Variants in ARHGEF11 observed in about 807,000 individuals in gnomAD.
The protein encoded by ARHGEF11 is Rho guanine exchange factor (GEF) 11.
In ARHGEF11, 55 loss-of-function variants were observed where a neutral mutation model predicts 193.7. The ratio of observed to expected loss-of-function variants is 0.28; its 90% confidence interval spans 0.23 to 0.36. The LOEUF (loss-of-function observed/expected upper bound fraction) is 0.36, where lower values mean the gene tolerates loss of function less well. ARHGEF11 is among the 10% of genes least tolerant of loss of function. The pLI is 1.00. For missense variants in ARHGEF11, 1,723 were observed against 2,005.6 expected, an observed-to-expected ratio of 0.86 and a Z score of 2.69; for synonymous variants, 693 against 768.0, an observed-to-expected ratio of 0.90 and a Z score of 1.62.
At chr1:157,042,095 T>C (rs1288541900) in intron 1 of ARHGEF11, among the ~76,000 whole-genome samples, 1 of 152,174 alleles carries the variant, frequency 6.6e-6, no homozygotes, top group Non-Finnish European at 1.5e-5. Flanking sequence ...TAAGATTCAG[T>C]GCAGCTAGCT....
intron 1 of ARHGEF11, among the ~76,000 whole-genome samples, chr1:157,021,719 T>C (rs938729950): frequency 1.5e-4 from 23 of 152,338 alleles, no homozygotes; most frequent in African/African-American, 5.5e-4. Flanking sequence ...AAACAACTTA[T>C]GCCTCAGTTT....
chr1:156,937,063 G>C, intron 39 of ARHGEF11, 58 bp from the exon 40 acceptor site: 1 of 1,590,220 alleles, frequency 6.3e-7, no homozygotes, highest in Non-Finnish European at 8.6e-7. Context: ...AGGCCCCTGG[G>C]GAAGGGGTCT....
At chr1:156,942,573 C>G in intron 33 of ARHGEF11, 117 bp downstream of exon 33, 1 of 885,156 alleles carries the variant, frequency 1.1e-6, no homozygotes, top group Non-Finnish European at 1.8e-6. Flanking sequence ...CTTCCCAACC[C>G]CTTGTCCAGG....
chr1:156,935,476 A>T lies in ARHGEF11; in HGVS notation c.*524T>A, dbSNP rs1354536746. 1 of 152,538 alleles carries T rather than the reference A, an allele frequency of 6.6e-6. No individual in the cohort carries two copies. The highest frequency in any genetic ancestry group is 1.5e-5 in the Non-Finnish European group (1 of 68,252). 9.4% of individuals were successfully genotyped at this position (152,538 alleles called of 1,614,324 possible). A position where few individuals can be genotyped will look rare whatever the true frequency, so the allele number is the denominator to read the frequency against. On this transcript the variant is annotated 3_prime_UTR_variant, in exon 41 of 41. Transcript: ENST00000368194. ...CATAACTGCCTCCAGCACTTCAGGA[A>T]CAGGAACAAAAAAGGTCAAAGTTAT... is the stretch of plus-strand genomic sequence containing the variant.
intron 21 of ARHGEF11, among the ~76,000 whole-genome samples, chr1:156,951,992 C>T (rs545683586): frequency 2.6e-5 from 4 of 152,006 alleles, no homozygotes; most frequent in South Asian, 2.1e-4. Context: ...ATTATAATAA[C>T]GCTTCTGCTT....
At position 157,044,738 on chromosome 1, in the gene ARHGEF11, C is replaced by CT; in HGVS notation, c.-409dup. On this transcript the variant is annotated 5_prime_UTR_variant, in exon 1 of 41. Coordinates refer to ENST00000368194, the MANE Select transcript of ARHGEF11 (RefSeq NM_198236.3). ...ACTGCAAAGTACAGATAAAACCATC[C>CT]TTTAAATCCAGCTTTCTCAGCTGTC... 2.5e-6 allele frequency: 1 copy of CT among 394,378 alleles called. No individual in the cohort carries two copies. Among genetic ancestry groups the CT allele is most frequent in the Non-Finnish European group, 4.5e-6 (1 of 224,070 alleles). The allele number at this position is 394,378 out of a possible 1,614,324, so 24.4% of individuals were successfully genotyped here. A position where few individuals can be genotyped will look rare whatever the true frequency, so the allele number is the denominator to read the frequency against.
At chr1:157,036,477 A>C (rs1193892580) in intron 1 of ARHGEF11, among the ~76,000 whole-genome samples, 1 of 151,846 alleles carries the variant, frequency 6.6e-6, no homozygotes, top group Non-Finnish European at 1.5e-5. Context: ...GTGCACCAAC[A>C]CATCAGGCTA....
At chr1:156,942,282 G>A (rs1657162962) in intron 33 of ARHGEF11, among the ~76,000 whole-genome samples, 1 of 152,226 alleles carries the variant, frequency 6.6e-6, no homozygotes, top group Non-Finnish European at 1.5e-5. Flanking sequence ...TGAAAACCCT[G>A]GAGTTGGGAA....
At chr1:156,938,578 A>G in intron 37 of ARHGEF11, 65 bp from the exon 38 acceptor site, 1 of 1,518,108 alleles carries the variant, frequency 6.6e-7, no homozygotes, top group Non-Finnish European at 9.1e-7. Flanking sequence ...GAAGGGAGAG[A>G]GAACAGGAAG....
chr1:157,046,553 C>A (rs1338817175), upstream of ARHGEF11, among the ~76,000 whole-genome samples: 1 of 152,172 alleles, frequency 6.6e-6, no homozygotes, highest in African/African-American at 2.4e-5. Context: ...CTTCCCACTT[C>A]TAATACCACC....
intron 18 of ARHGEF11, 108 bp downstream of exon 18, chr1:156,957,684 G>T: frequency 1.6e-6 from 2 of 1,249,174 alleles, no homozygotes; most frequent in Non-Finnish European, 2.3e-6. Context: ...CTTCATGGTT[G>T]TACAACATGA....
chr1:156,991,707 C>CTTTTTTT lies in ARHGEF11; in HGVS notation c.33-5535_33-5534insAAAAAAA, dbSNP rs1208007433. Among the ~76,000 whole-genome samples, 49 of 107,486 alleles carry CTTTTTTT rather than the reference C, an allele frequency of 4.6e-4. 1 individual carries two copies. Among genetic ancestry groups the CTTTTTTT allele is most frequent in the Non-Finnish European group, 6.9e-4 (37 of 53,726 alleles). 70.5% of individuals were successfully genotyped at this position (107,486 alleles called of 152,430 possible). ...ATTTTAGGGTTTTCTTTTTTTCAAGCTTATTTTTTTTTTTTTTTTTTTTTT... is the reference window on the plus strand; with the variant it reads ...ATTTTAGGGTTTTCTTTTTTTCAAGCTTTTTTTTTATTTTTTTTTTTTTTTTTTTTTT... On this transcript the variant is annotated intron_variant, in intron 1 of 40. Coordinates refer to ENST00000368194, the MANE Select transcript of ARHGEF11 (RefSeq NM_198236.3).
Position 156,980,845 on chromosome 1 carries a change from G to T in ARHGEF11, c.224-359C>A, listed in dbSNP as rs925908301. The stretch of plus-strand genomic sequence containing the variant: ...ATCAGTTATATTCCGGGGGGGGGGG[G>T]GGAAATGAGTTTACTGTATGAAACA... On this transcript the variant is annotated intron_variant, in intron 3 of 40. Coordinates refer to ENST00000368194, the MANE Select transcript of ARHGEF11 (RefSeq NM_198236.3). Among the ~76,000 whole-genome samples the T allele has an allele frequency of 2.9e-5, 3 of 103,890 alleles. No homozygotes were observed. In the East Asian group the frequency reaches 9.6e-4, roughly 33 times the overall value. The allele number at this position is 103,890 out of a possible 152,430, so 68.2% of individuals were successfully genotyped here.
chr1:156,997,397 G>A (rs1431465829), intron 1 of ARHGEF11, among the ~76,000 whole-genome samples: 1 of 152,242 alleles, frequency 6.6e-6, no homozygotes, highest in Non-Finnish European at 1.5e-5. Context: ...TGGGGGAGCT[G>A]TTGAAGGCTT....
chr1:156,945,576 TG>T, intron 29 of ARHGEF11: 1 of 250,688 alleles, frequency 4.0e-6, no homozygotes, highest in South Asian at 6.3e-5. Context: ...GTCTGAAATT[TG>T]GGGGTAGTGA....
chr1:156,954,380 CAAAAAAAAAAAAAAAAAAAA>C (rs559848711), intron 21 of ARHGEF11, among the ~76,000 whole-genome samples: 22 of 75,148 alleles, frequency 2.9e-4, no homozygotes, highest in South Asian at 6.6e-4. Flanking sequence ...ACTGTGTCTC[CAAAAAAAAAAAAAAAAAAAA>C]AAAAAAAAAA....
intron 38 of ARHGEF11, among the ~76,000 whole-genome samples, chr1:156,938,053 G>A (rs764113199): frequency 6.6e-6 from 1 of 152,226 alleles, no homozygotes. Context: ...TCTTTCAGCC[G>A]ATTTCCACAG....
intron 10 of ARHGEF11, 71 bp from the exon 11 acceptor site, chr1:156,968,195 T>G (rs1171784820): frequency 2.0e-6 from 3 of 1,527,746 alleles, no homozygotes; most frequent in Admixed American, 2.0e-5. Context: ...TCATTTGGTG[T>G]TGGTGGTGAT....
intron 11 of ARHGEF11, among the ~76,000 whole-genome samples, chr1:156,964,001 C>T (rs1046395412): frequency 6.6e-6 from 1 of 152,212 alleles, no homozygotes; most frequent in African/African-American, 2.4e-5. Context: ...ACACATCCTC[C>T]AAACCTAGTG....
Sources: allele counts gnomAD v4.1 joint callset (sites outside exome capture counted in the v4.1 genomes callset), GRCh38; gene constraint gnomAD v4.1.1; transcripts MANE v1.5; gene names NCBI Gene and HGNC (gene_info 2026-07-23, HGNC 2026-07-21).